Variants in BAG4 observed in about 807,000 individuals in gnomAD.
The protein encoded by BAG4 is BAG cochaperone 4.
In BAG4, 28 loss-of-function variants were observed where a neutral mutation model predicts 52.1. The ratio of observed to expected loss-of-function variants is 0.54; its 90% CI spans 0.40 to 0.74. BAG4 has a LOEUF of 0.74. BAG4 is among the 30% of genes least tolerant of loss of function. The pLI is 0.00. For missense variants in BAG4, 525 were observed against 572.0 expected (o/e 0.92, Z 0.84); for synonymous variants, 208 against 217.0 (o/e 0.96, Z 0.37).
chr8:38,189,003 G>C (rs956383845), intron 1 of BAG4, among the ~76,000 whole-genome samples: 9 of 150,194 alleles, frequency 6.0e-5, no homozygotes, highest in Admixed American at 2.7e-4. Context: ...CTGTTGCCCA[G>C]GCTGGAGTGC....
intron 1 of BAG4, among the ~76,000 whole-genome samples, chr8:38,182,173 A>T: frequency 6.6e-6 from 1 of 152,188 alleles, no homozygotes; most frequent in East Asian, 1.9e-4. Flanking sequence ...ATGAGTTTGA[A>T]AAGTTAAAAA....
chr8:38,189,813 T>TTTGTTGTTG (rs145500897), intron 1 of BAG4, among the ~76,000 whole-genome samples: 2,375 of 151,886 alleles, frequency 0.016, 26 homozygotes, highest in Non-Finnish European at 0.027. Context: ...TAAATTACGT[T>TTTGTTGTTG]TTGTTGTTGT....
chr8:38,182,611 A>G (rs1803290153), intron 1 of BAG4, among the ~76,000 whole-genome samples: 1 of 152,228 alleles, frequency 6.6e-6, no homozygotes, highest in Admixed American at 6.5e-5. Flanking sequence ...TTCATTCAAC[A>G]AATAAAAAGT....
At chr8:38,208,063 A>T (rs991555438) in intron 3 of BAG4, among the ~76,000 whole-genome samples, 1 of 142,194 alleles carries the variant, frequency 7.0e-6, no homozygotes. Context: ...TGCAACCTCT[A>T]CCTCCTGGGT....
chr8:38,180,522 C>CAAAAAAAAAAAAAAAAAAAAA lies in BAG4; in HGVS notation c.270+3389_270+3409dup, dbSNP rs1161178024. 5.3e-4 allele frequency among the ~76,000 whole-genome samples: 14 copies of CAAAAAAAAAAAAAAAAAAAAA among 26,498 alleles called. 1 individual carries two copies. The highest frequency in any genetic ancestry group is 1.1e-3 in the East Asian group (1 of 930). The allele number at this position is 26,498 out of a possible 152,430, so 17.4% of individuals were successfully genotyped here. ...TGGGCAGCAAAGCGAGACTCCGTCT[C>CAAAAAAAAAAAAAAAAAAAAA]AAAAAAAAAAAAAAAAAAAAAAAAA... is the stretch of plus-strand genomic sequence containing the variant. On this transcript the variant is annotated intron_variant, in intron 1 of 4. Transcript: ENST00000287322.
At chr8:38,203,155 A>G (rs771449672) in intron 2 of BAG4, among the ~76,000 whole-genome samples, 42 of 152,150 alleles carry the variant, frequency 2.8e-4, no homozygotes, top group Non-Finnish European at 5.1e-4. Flanking sequence ...AGAAGTCCAT[A>G]TAAGCTGTTT....
At chr8:38,181,466 G>C (rs1803270488) in intron 1 of BAG4, among the ~76,000 whole-genome samples, 1 of 151,962 alleles carries the variant, frequency 6.6e-6, no homozygotes, top group African/African-American at 2.4e-5. Context: ...GCTGGGTGCG[G>C]TGTCTCACGC....
At position 38,207,335 on chromosome 8, in the gene BAG4, C is replaced by T. The variant is rs560595666; in HGVS notation, c.379-177C>T. Among the ~76,000 whole-genome samples the T allele has an allele frequency of 1.9e-3, 285 of 152,182 alleles. 1 individual carries two copies. Among genetic ancestry groups the T allele is most frequent in the African/African-American group, 6.7e-3 (280 of 41,510 alleles). On this transcript the variant is annotated intron_variant, in intron 2 of 4. Transcript: ENST00000287322. ...CAGGCTGGTCTCAAACTCCTGACCT[C>T]AAATGATTCTCCCACCTTGGGCTCC...
chr8:38,184,775 C>G (rs1022932824), intron 1 of BAG4, among the ~76,000 whole-genome samples: 1 of 152,054 alleles, frequency 6.6e-6, no homozygotes, highest in Admixed American at 6.6e-5. Context: ...TCCAGCCTTA[C>G]ATCACAGAGC....
chr8:38,194,110 G>A (rs1420562856), intron 2 of BAG4, among the ~76,000 whole-genome samples: 1 of 152,008 alleles, frequency 6.6e-6, no homozygotes, highest in Non-Finnish European at 1.5e-5. Context: ...GACCTCAGGT[G>A]ATCCGCCCAC....
At chr8:38,190,938 A>G (rs1263081005) in intron 1 of BAG4, among the ~76,000 whole-genome samples, 3 of 151,538 alleles carry the variant, frequency 2.0e-5, no homozygotes, top group East Asian at 3.9e-4. Flanking sequence ...TTGTATTTTT[A>G]GTAGAGACGG....
chr8:38,176,858 G>A lies in BAG4; in HGVS notation c.-12G>A. 1 of 1,493,728 alleles carries A rather than the reference G, an allele frequency of 6.7e-7. No individual in the cohort carries two copies. The highest frequency in any genetic ancestry group is 1.3e-5 in the South Asian group (1 of 76,540). 92.5% of individuals were successfully genotyped at this position (1,493,728 alleles called of 1,614,324 possible). ...GGAGCGGGGCGGGAAGCGCTTCAGG[G>A]CAGCGGATCCCATGTCGGCCCTGAG... On this transcript the variant is annotated 5_prime_UTR_variant, in exon 1 of 5. Coordinates refer to ENST00000287322, the MANE Select transcript of BAG4 (RefSeq NM_004874.4).
intron 1 of BAG4, among the ~76,000 whole-genome samples, chr8:38,179,383 C>G (rs1274805435): frequency 6.6e-6 from 1 of 151,740 alleles, no homozygotes; most frequent in Non-Finnish European, 1.5e-5. Flanking sequence ...TCTTGAACTC[C>G]TGATCTCAGG....
intron 4 of BAG4, chr8:38,209,592 G>T: frequency 2.6e-6 from 1 of 385,384 alleles, no homozygotes. Flanking sequence ...AAACCAATGT[G>T]AAATATCTGT....
At chr8:38,187,920 C>G (rs1293247243) in intron 1 of BAG4, among the ~76,000 whole-genome samples, 51 of 149,506 alleles carry the variant, frequency 3.4e-4, no homozygotes, top group Non-Finnish European at 5.9e-4. Flanking sequence ...GCCTGTAGTC[C>G]CAGCTACTTG....
chr8:38,210,849 C>T lies in BAG4; in HGVS notation c.*356C>T, dbSNP rs1226575076. 1.2e-5 allele frequency: 2 copies of T among 171,078 alleles called. No individual in the cohort carries two copies. Among genetic ancestry groups the T allele is most frequent in the East Asian group, 3.3e-4 (2 of 6,136 alleles). 10.6% of individuals were successfully genotyped at this position (171,078 alleles called of 1,614,324 possible). A position where few individuals can be genotyped will look rare whatever the true frequency, so the allele number is the denominator to read the frequency against. ...CCTACCAGATGAAACTGGATATAATCTGAGACAAACAGGATGTGTTTTTTT... is the reference window on the plus strand; with the variant it reads ...CCTACCAGATGAAACTGGATATAATTTGAGACAAACAGGATGTGTTTTTTT... On this transcript the variant is annotated 3_prime_UTR_variant, in exon 5 of 5. Coordinates refer to ENST00000287322, the MANE Select transcript of BAG4 (RefSeq NM_004874.4).
chr8:38,186,960 A>T (rs1803374057), intron 1 of BAG4, among the ~76,000 whole-genome samples: 1 of 152,226 alleles, frequency 6.6e-6, no homozygotes, highest in Non-Finnish European at 1.5e-5. Context: ...GCAAATGACA[A>T]TAACAAGCCT....
At chr8:38,190,097 T>C (rs1803447802) in intron 1 of BAG4, among the ~76,000 whole-genome samples, 1 of 152,182 alleles carries the variant, frequency 6.6e-6, no homozygotes, top group African/African-American at 2.4e-5. Context: ...ATTATGTTTT[T>C]TACTTATGTG....
intron 1 of BAG4, among the ~76,000 whole-genome samples, chr8:38,177,351 A>C (rs1216850345): frequency 6.6e-6 from 1 of 152,066 alleles, no homozygotes; most frequent in East Asian, 1.9e-4. Flanking sequence ...AAATATGTTT[A>C]TTACCATTTA....
Sources: allele counts gnomAD v4.1 joint callset (sites outside exome capture counted in the v4.1 genomes callset), GRCh38; gene constraint gnomAD v4.1.1; transcripts MANE v1.5; gene names NCBI Gene and HGNC (gene_info 2026-07-23, HGNC 2026-07-21).